TBC1D30: variants seen among roughly 807,000 people sequenced by gnomAD.
The protein encoded by TBC1D30 is TBC1 domain family member 30.
In TBC1D30, 31 loss-of-function variants were observed where a neutral mutation model predicts 63.2. That is an observed-to-expected ratio of 0.49 (90% CI 0.37 to 0.66). TBC1D30 has a LOEUF of 0.66. Ranked by LOEUF, TBC1D30 falls within the 30% of genes least tolerant of loss-of-function variation. TBC1D30 has a pLI of 0.00. For missense variants in TBC1D30, 810 were observed against 953.6 expected, an observed-to-expected ratio of 0.85 and a Z score of 1.98; for synonymous variants, 307 against 361.5, an observed-to-expected ratio of 0.85 and a Z score of 1.71.
At chr12:64,848,175 A>AT (rs1258597571) in intron 8 of TBC1D30, among the ~76,000 whole-genome samples, 4 of 150,520 alleles carry the variant, frequency 2.7e-5, no homozygotes, top group East Asian at 2.0e-4. Context: ...CTTGAAATCT[A>AT]TTTTTTCTGA....
At chr12:64,783,175 A>G (rs554143545) in intron 1 of TBC1D30, among the ~76,000 whole-genome samples, 1 of 152,206 alleles carries the variant, frequency 6.6e-6, no homozygotes, top group South Asian at 2.1e-4. Context: ...TATATTTAAC[A>G]TGTGTAGGTC....
intron 8 of TBC1D30, among the ~76,000 whole-genome samples, chr12:64,860,396 G>A (rs1460801399): frequency 2.0e-5 from 3 of 152,100 alleles, no homozygotes; most frequent in African/African-American, 7.2e-5. Flanking sequence ...CCTCAGGCGA[G>A]GCCTGCCTTG....
intron 8 of TBC1D30, among the ~76,000 whole-genome samples, chr12:64,854,418 CTCTT>C (rs1332203562): frequency 6.6e-6 from 1 of 151,772 alleles, no homozygotes; most frequent in East Asian, 1.9e-4. Context: ...CTTGTTGTTT[CTCTT>C]TATGTACTGT....
chr12:64,836,114 T>TG (rs1491319575), intron 5 of TBC1D30, among the ~76,000 whole-genome samples: 1 of 152,194 alleles, frequency 6.6e-6, no homozygotes, highest in Non-Finnish European at 1.5e-5. Context: ...GTTGTAAAAC[T>TG]GTGCTGACAT....
intron 9 of TBC1D30, among the ~76,000 whole-genome samples, chr12:64,866,174 A>G (rs1878198840): frequency 1.3e-5 from 2 of 152,172 alleles, no homozygotes; most frequent in Non-Finnish European, 2.9e-5. Context: ...GCCCGTAAAG[A>G]TTTCTTGTAT....
chr12:64,853,632 G>A (rs933692596), intron 8 of TBC1D30, among the ~76,000 whole-genome samples: 2 of 152,184 alleles, frequency 1.3e-5, no homozygotes, highest in African/African-American at 4.8e-5. Context: ...AGGCACCCGA[G>A]GGAATCTCCT....
At chr12:64,852,404 A>G (rs1027033419) in intron 8 of TBC1D30, among the ~76,000 whole-genome samples, 1 of 152,054 alleles carries the variant, frequency 6.6e-6, no homozygotes. Context: ...CAATTCCTCT[A>G]ACCTTTCTTC....
chr12:64,854,521 A>T (rs1877139716), intron 8 of TBC1D30, among the ~76,000 whole-genome samples: 2 of 145,256 alleles, frequency 1.4e-5, no homozygotes, highest in Admixed American at 6.8e-5. Context: ...TTGAGATGGA[A>T]TCTTGCTCTG....
At chr12:64,783,989 T>A (rs551598989) in intron 1 of TBC1D30, among the ~76,000 whole-genome samples, 1 of 150,556 alleles carries the variant, frequency 6.6e-6, no homozygotes, top group Admixed American at 6.7e-5. Context: ...GAAAGATGTT[T>A]GTTCTATCTG....
At chr12:64,792,131 A>G (rs935559112) in intron 2 of TBC1D30, among the ~76,000 whole-genome samples, 3 of 152,204 alleles carry the variant, frequency 2.0e-5, no homozygotes, top group Non-Finnish European at 4.4e-5. Flanking sequence ...TATAGAATGT[A>G]TCATAAACAA....
chr12:64,849,444 A>T (rs1416219724), intron 8 of TBC1D30, among the ~76,000 whole-genome samples: 3 of 152,080 alleles, frequency 2.0e-5, no homozygotes, highest in Non-Finnish European at 4.4e-5. Flanking sequence ...TCTTGAGTTA[A>T]TTTTTGTAGA....
At chr12:64,759,934 A>T (rs73323493) in intron 1 of TBC1D30, among the ~76,000 whole-genome samples, 62 of 152,328 alleles carry the variant, frequency 4.1e-4, no homozygotes, top group African/African-American at 1.4e-3. Flanking sequence ...AACTTGTGAG[A>T]TAAATCTTAA....
chr12:64,823,717 T>C (rs1874036475), upstream of TBC1D30, among the ~76,000 whole-genome samples: 1 of 152,196 alleles, frequency 6.6e-6, no homozygotes, highest in Non-Finnish European at 1.5e-5. Flanking sequence ...CTCAAACTCT[T>C]GGGGCTAAGC....
At chr12:64,825,104 C>G in intron 1 of TBC1D30, 71 bp downstream of exon 1, 1 of 1,474,830 alleles carries the variant, frequency 6.8e-7, no homozygotes, top group East Asian at 2.5e-5. Flanking sequence ...CTGCCTTAGC[C>G]TGACTCCGTC....
intron 5 of TBC1D30, among the ~76,000 whole-genome samples, chr12:64,834,028 T>A (rs1226841965): frequency 6.6e-6 from 1 of 152,140 alleles, no homozygotes; most frequent in Non-Finnish European, 1.5e-5. Flanking sequence ...CTTGAGAAAC[T>A]GGAAATTAAA....
chr12:64,864,640 A>T (rs904974671), intron 8 of TBC1D30, 28 bp from the exon 9 acceptor site: 9 of 1,446,316 alleles, frequency 6.2e-6, no homozygotes, highest in Admixed American at 5.9e-5. Context: ...ACTGTTTCAG[A>T]CTTGGCATTT....
intron 5 of TBC1D30, among the ~76,000 whole-genome samples, chr12:64,833,761 A>G (rs1565665739): frequency 1.3e-5 from 2 of 152,240 alleles, no homozygotes; most frequent in East Asian, 3.8e-4. Context: ...CTTGTTCATC[A>G]AAAAGGTGAG....
rs1161291518 is a variant in TBC1D30 at position 64,875,480 on chromosome 12, G to A, written c.1978G>A (p.Glu660Lys). The A allele has an allele frequency of 6.5e-7, 1 of 1,536,188 alleles. No individual in the cohort carries two copies. Residue 660 changes from glutamate to lysine, a missense_variant, in exon 12 of 12, where the codon GAA becomes AAA. Around this residue, in one of 4 missense-constraint regions of TBC1D30, gnomAD observed 450 missense variants for 473.0 expected, o/e 0.95. Transcript: ENST00000539867. ...AGTTCAGGCGAAGTTGGGAGCCCTG[G>A]AACTGAACCAGAGGGATGCTGCAGC... is the stretch of plus-strand genomic sequence containing the variant. Reference protein sequence around the residue: ...SAVQAKLGALELNQRDAAAET... With the variant: ...SAVQAKLGALKLNQRDAAAET...
intron 5 of TBC1D30, 144 bp downstream of exon 5, chr12:64,832,448 G>A: frequency 1.3e-6 from 1 of 792,494 alleles, no homozygotes; most frequent in Non-Finnish European, 1.9e-6. Flanking sequence ...TTTCCTCCAG[G>A]TTAGAGCCAT....
Sources: gnomAD v4.1 joint callset for allele counts (sites outside exome capture counted in the v4.1 genomes callset) on GRCh38, gnomAD v4.1.1 for gene constraint, gnomAD v4.1.1 regional missense constraint, MANE v1.5 for transcripts, NCBI Gene and HGNC (gene_info 2026-07-23, HGNC 2026-07-21) for gene names.